ZRANB3: variants seen among roughly 807,000 people sequenced by gnomAD.
ZRANB3 encodes DNA annealing helicase and endonuclease ZRANB3.
Under a neutral mutation model 133.8 loss-of-function variants are expected in ZRANB3, and 125 were observed. The observed-to-expected ratio is 0.93, with a 90% CI of 0.81 to 1.08. The LOEUF is 1.08. ZRANB3 is among the 50% of genes least tolerant of loss of function. ZRANB3 has a pLI of 0.00. For synonymous variants in ZRANB3, 387 were observed against 432.7 expected (o/e 0.89, Z 1.31); for missense variants, 1,229 against 1,275.5 (o/e 0.96, Z 0.56).
At chr2:135,449,070 T>TA (rs992703424) in intron 2 of ZRANB3, among the ~76,000 whole-genome samples, 4 of 152,192 alleles carry the variant, frequency 2.6e-5, no homozygotes, top group African/African-American at 9.7e-5. Context: ...TCATAAAAGA[T>TA]AGTCTTCCCA....
At chr2:135,407,661 T>C (rs1223757861) in intron 2 of ZRANB3, among the ~76,000 whole-genome samples, 1 of 151,630 alleles carries the variant, frequency 6.6e-6, no homozygotes, top group Non-Finnish European at 1.5e-5. Context: ...ACCTCAGAAA[T>C]AATGCCGAAT....
rs768412351 is a variant in ZRANB3, at chr2:135,207,529, C to T, written c.2914G>A (p.Ala972Thr). 32 of 1,613,864 alleles carry T rather than the reference C, an allele frequency of 2.0e-5. 1 individual carries two copies. The highest frequency in any genetic ancestry group is 8.9e-5 in the East Asian group (4 of 44,890). ...HGVCQLCNVN[A>T]QELFLRLRDA... ...CTCAGACGTAAAAAGAGTTCTTGTG[C>T]GTTCACATTACAGAGCTGACACACA... The change falls in exon 19 of 21, where the codon GCA (alanine) becomes ACA (threonine). Residue 972 changes from alanine to threonine, a missense_variant. Transcript: ENST00000264159.
chr2:135,215,669 CATTT>C (rs1441184537), intron 17 of ZRANB3, among the ~76,000 whole-genome samples: 9 of 152,270 alleles, frequency 5.9e-5, no homozygotes, highest in Middle Eastern at 6.8e-3. Context: ...CTCATTCATT[CATTT>C]GTGATTCTTG....
At chr2:135,349,942 C>T (rs77582606) in intron 5 of ZRANB3, 42 bp downstream of exon 5, 3 of 1,572,282 alleles carry the variant, frequency 1.9e-6, no homozygotes, top group Non-Finnish European at 1.7e-6. Flanking sequence ...CCTCCCACCC[C>T]CCTTCTCTTC....
chr2:135,225,638 C>T (rs1694729770), intron 14 of ZRANB3, among the ~76,000 whole-genome samples: 1 of 152,142 alleles, frequency 6.6e-6, no homozygotes, highest in Non-Finnish European at 1.5e-5. Flanking sequence ...GAGGTATATG[C>T]ATTGTTGCTA....
intron 2 of ZRANB3, among the ~76,000 whole-genome samples, chr2:135,431,047 G>T (rs1013899996): frequency 6.6e-6 from 1 of 151,890 alleles, no homozygotes; most frequent in Non-Finnish European, 1.5e-5. Flanking sequence ...GGCTGAGGCA[G>T]GAGGACTGCT....
intron 3 of ZRANB3, among the ~76,000 whole-genome samples, chr2:135,355,936 T>C (rs1685410792): frequency 2.0e-5 from 3 of 152,196 alleles, no homozygotes; most frequent in Non-Finnish European, 4.4e-5. Context: ...CCAGATTCTA[T>C]CACTAGAACC....
chr2:135,207,800 T>C lies in ZRANB3; in HGVS notation c.2643A>G (p.Leu881=). 2 of 1,600,284 alleles carry C rather than the reference T, an allele frequency of 1.2e-6. No homozygotes were observed. The highest frequency in any genetic ancestry group is 1.7e-6 in the Non-Finnish European group (2 of 1,168,544). The change falls in exon 19 of 21, where the codon CTA becomes CTG. Residue 881 remains leucine (L), a synonymous_variant. Transcript: ENST00000264159. ...GATCTGCCTGGACTGTGTATGGATT[T>C]AGAAATGGGACACAGGCTCCATCTT... ...LLEDGACVPF[L]NPYTVQADLT...
chr2:135,344,245 G>A (rs984209010), intron 6 of ZRANB3, among the ~76,000 whole-genome samples: 7 of 152,100 alleles, frequency 4.6e-5, no homozygotes, highest in African/African-American at 7.2e-5. Context: ...TGAAGCGTTC[G>A]GCAATAGCAG....
intron 2 of ZRANB3, among the ~76,000 whole-genome samples, chr2:135,398,664 G>T (rs918599977): frequency 6.6e-6 from 1 of 150,704 alleles, no homozygotes; most frequent in East Asian, 2.0e-4. Context: ...CACTATAGGC[G>T]CCCGCCACCA....
chr2:135,484,388 C>G (rs114496207), intron 2 of ZRANB3, among the ~76,000 whole-genome samples: 1 of 152,214 alleles, frequency 6.6e-6, no homozygotes, highest in Middle Eastern at 3.4e-3. Flanking sequence ...AAGTACATGA[C>G]AAATAGCAAA....
At chr2:135,213,764 C>A (rs1286452408) in intron 17 of ZRANB3, among the ~76,000 whole-genome samples, 1 of 152,150 alleles carries the variant, frequency 6.6e-6, no homozygotes, top group East Asian at 1.9e-4. Context: ...GTTATTTAAT[C>A]AATCACTAAT....
chr2:135,388,067 C>T (rs1379249276), intron 3 of ZRANB3, among the ~76,000 whole-genome samples: 1 of 152,136 alleles, frequency 6.6e-6, no homozygotes, highest in Admixed American at 6.6e-5. Flanking sequence ...ATTCACAGTT[C>T]CACATGGCTA....
chr2:135,420,091 T>TTTTATA (rs1176174180), intron 2 of ZRANB3, among the ~76,000 whole-genome samples: 1 of 72,484 alleles, frequency 1.4e-5, no homozygotes, highest in Non-Finnish European at 2.4e-5. Context: ...TATCTTAGAT[T>TTTTATA]TATATATATA....
intron 1 of ZRANB3, among the ~76,000 whole-genome samples, chr2:135,507,368 A>C (rs962623059): frequency 2.6e-5 from 4 of 152,334 alleles, no homozygotes; most frequent in Admixed American, 2.6e-4. Flanking sequence ...GGATACACAC[A>C]AGAAATATCA....
chr2:135,437,233 C>T (rs1689583955), intron 2 of ZRANB3, among the ~76,000 whole-genome samples: 1 of 152,134 alleles, frequency 6.6e-6, no homozygotes, highest in Non-Finnish European at 1.5e-5. Context: ...GCTGGGATTA[C>T]AGGCGTGAGC....
At chr2:135,350,288 G>A (rs1685147135) in intron 4 of ZRANB3, 73 bp from the exon 5 acceptor site, 1 of 1,116,478 alleles carries the variant, frequency 9.0e-7, no homozygotes, top group East Asian at 2.6e-5. Flanking sequence ...AACTCTCTTG[G>A]GAAAAAATAC....
intron 8 of ZRANB3, among the ~76,000 whole-genome samples, chr2:135,301,975 A>C (rs1332142500): frequency 1.3e-5 from 2 of 152,226 alleles, no homozygotes; most frequent in Admixed American, 6.5e-5. Flanking sequence ...CAAAGAAAAG[A>C]AGCACCAACA....
chr2:135,478,484 T>C (rs1691604935), intron 2 of ZRANB3, among the ~76,000 whole-genome samples: 1 of 152,158 alleles, frequency 6.6e-6, no homozygotes, highest in South Asian at 2.1e-4. Flanking sequence ...CATAGATTAA[T>C]ATGTTATTTA....
Sources: gnomAD v4.1 joint callset for allele counts (sites outside exome capture counted in the v4.1 genomes callset) on GRCh38, gnomAD v4.1.1 for gene constraint, MANE v1.5 for transcripts, NCBI Gene and HGNC (gene_info 2026-07-23, HGNC 2026-07-21) for gene names.